The following ZBTB17 variants were observed in gnomAD, a reference collection of about 807,000 sequenced individuals.
ZBTB17 encodes the protein zinc finger and BTB domain containing 17, also known as zinc finger and BTB domain-containing protein 17.
Under a neutral mutation model 85.1 loss-of-function variants are expected in ZBTB17, and 24 were observed. That is an observed-to-expected ratio of 0.28 (90% CI 0.20 to 0.40). ZBTB17 has a LOEUF of 0.40. ZBTB17 is among the 10% of genes least tolerant of loss of function. The pLI is 1.00. For missense variants in ZBTB17, 743 were observed against 1,105.1 expected (o/e 0.67, Z 4.65); for synonymous variants, 464 against 460.2 (o/e 1.01, Z -0.11).
chr1:15,945,651 C>T, intron 6 of ZBTB17, 64 bp downstream of exon 6: 2 of 1,591,654 alleles, frequency 1.3e-6, no homozygotes, highest in Non-Finnish European at 1.7e-6. Flanking sequence ...CCCCAGTGCG[C>T]AGTGGAGGCA....
chr1:15,946,220 T>G lies in ZBTB17; in HGVS notation c.469A>C (p.Thr157Pro). 6.2e-7 allele frequency: 1 copy of G among 1,613,512 alleles called. No individual in the cohort carries two copies. The highest frequency in any genetic ancestry group is 8.5e-7 in the Non-Finnish European group (1 of 1,180,008). The change falls in exon 5 of 16, where the codon ACA (threonine) becomes CCA (proline). Residue 157 changes from threonine (T) to proline (P), a missense_variant. Around this residue, in one of 4 missense-constraint regions of ZBTB17, gnomAD observed 279 missense variants for 269.9 expected, o/e 1.03. Transcript: ENST00000375743. ...LSRLEQAGRS[T>P]PIGPSRDLKE... The stretch of plus-strand genomic sequence containing the variant: ...AGGTCCCTGCTGGGGCCTATGGGTG[T>G]GCTGCGTCCTGCCTGCTCCAGCCTG...
intron 6 of ZBTB17, 150 bp from the exon 7 acceptor site, chr1:15,945,352 C>T: frequency 1.4e-6 from 2 of 1,421,114 alleles, no homozygotes; most frequent in Non-Finnish European, 1.8e-6. Context: ...GTATTTGCTG[C>T]TTGCGGGATG....
intron 12 of ZBTB17, 30 bp from the exon 13 acceptor site, chr1:15,943,224 G>A (rs766891895): frequency 1.8e-5 from 29 of 1,614,062 alleles, no homozygotes; most frequent in Non-Finnish European, 2.5e-5. Flanking sequence ...GACTCGCATG[G>A]AACTGCCCCA....
At position 15,943,071 on chromosome 1, in the gene ZBTB17, A is replaced by G. The variant is rs1418048570; in HGVS notation, c.1821T>C (p.Ile607=). 7 of 1,614,116 alleles carry G rather than the reference A, an allele frequency of 4.3e-6. No homozygotes were observed. The highest frequency in any genetic ancestry group is 5.1e-6 in the Non-Finnish European group (6 of 1,179,996). ...NVGDLSKHII[I]HTGEKPYLCD... ...GTAGGGGCCACAGCTCACCAGTGTG[A>G]ATGATGATGTGCTTGGACAGGTCCC... The change falls in exon 13 of 16, where the codon ATT becomes ATC. Residue 607 remains isoleucine (I), a synonymous_variant. Coordinates refer to ENST00000375743, the MANE Select transcript of ZBTB17 (RefSeq NM_003443.3).
intron 2 of ZBTB17, among the ~76,000 whole-genome samples, chr1:15,959,445 A>T (rs1443517222): frequency 6.6e-6 from 1 of 150,806 alleles, no homozygotes; most frequent in Non-Finnish European, 1.5e-5. Flanking sequence ...TTAAAAAATT[A>T]AAACTGAGAA....
At chr1:15,948,613 G>A (rs1413471956) in intron 2 of ZBTB17, 116 bp from the exon 3 acceptor site, 1 of 1,139,880 alleles carries the variant, frequency 8.8e-7, no homozygotes, top group Non-Finnish European at 1.2e-6. Context: ...TAAAACAAGT[G>A]AGGGCATTTC....
intron 2 of ZBTB17, among the ~76,000 whole-genome samples, chr1:15,960,922 G>A (rs1397382544): frequency 2.0e-5 from 3 of 152,128 alleles, no homozygotes; most frequent in Admixed American, 1.3e-4. Context: ...GCTCCAGCCT[G>A]GGCAACATGG....
In ZBTB17 at chr1:15,950,556, C is replaced by T. The variant is rs144869225; in HGVS notation, c.-2-2059G>A. On this transcript the variant is annotated intron_variant, in intron 2 of 15. Coordinates refer to ENST00000375743, the MANE Select transcript of ZBTB17 (RefSeq NM_003443.3). ...TGCAGAAGAGGGGAATACCAGGGCC[C>T]ACACAGGGCAAAATCCTCAACTGGC... Among the ~76,000 whole-genome samples the T allele has an allele frequency of 4.6e-5, 7 of 152,322 alleles. No individual in the cohort carries two copies. The East Asian group carries it at 1.4e-3, about 29-fold the overall frequency.
intron 2 of ZBTB17, among the ~76,000 whole-genome samples, chr1:15,958,474 G>A (rs867501728): frequency 6.0e-5 from 9 of 150,594 alleles, no homozygotes; most frequent in Admixed American, 3.3e-4. Flanking sequence ...GCCTTCCACC[G>A]TCAGGCCTTT....
chr1:15,942,820 C>A, intron 13 of ZBTB17, 82 bp from the exon 14 acceptor site: 1 of 1,519,802 alleles, frequency 6.6e-7, no homozygotes, highest in South Asian at 1.2e-5. Context: ...CTCGTTTGCC[C>A]AGCAACCCTG....
chr1:15,944,863 G>T (rs2071525533), intron 7 of ZBTB17, 24 bp from the exon 8 acceptor site: 1 of 1,576,888 alleles, frequency 6.3e-7, no homozygotes, highest in South Asian at 1.2e-5. Context: ...GGGGAAGCGG[G>T]GTGTGAGGAG....
rs917372818 is a variant in ZBTB17 at position 15,952,051 on chromosome 1, T to C, written c.-2-3554A>G. 6.6e-6 allele frequency among the ~76,000 whole-genome samples: 1 copy of C among 152,310 alleles called. No individual in the cohort carries two copies. The highest frequency in any genetic ancestry group is 2.1e-4 in the South Asian group (1 of 4,824). ...GTGGTCTTGTCTTCACCTTGCGTGA[T>C]GGGCGATAAATATGTGCACTAGTTA... On this transcript the variant is annotated intron_variant, in intron 2 of 15. Transcript: ENST00000375743. The surrounding 1 kb of genome is among the most constrained non-coding windows in gnomAD (Gnocchi z 4.3).
At position 15,941,957 on chromosome 1, in the gene ZBTB17, A is replaced by G; in HGVS notation, c.*12T>C. On this transcript the variant is annotated 3_prime_UTR_variant, in exon 16 of 16. Coordinates refer to ENST00000375743, the MANE Select transcript of ZBTB17 (RefSeq NM_003443.3). ...ATCCATCCTTAAATAAACAGTCAGA[A>G]GGGCCGCCAGCTCACTCGGCAGGCG... 1 of 1,586,464 alleles carries G rather than the reference A, an allele frequency of 6.3e-7. No individual in the cohort carries two copies. The highest frequency in any genetic ancestry group is 1.1e-5 in the South Asian group (1 of 89,976).
At chr1:15,947,444 G>A (rs957684537) in intron 3 of ZBTB17, among the ~76,000 whole-genome samples, 3 of 151,766 alleles carry the variant, frequency 2.0e-5, no homozygotes, top group Non-Finnish European at 2.9e-5. Flanking sequence ...GCAACTGTCC[G>A]CCCTGCATGG....
At position 15,952,311 on chromosome 1, in the gene ZBTB17, G is replaced by A. The variant is rs1340383853; in HGVS notation, c.-2-3814C>T. Among the ~76,000 whole-genome samples, 1 of 152,188 alleles carries A rather than the reference G, an allele frequency of 6.6e-6. No individual in the cohort carries two copies. Among genetic ancestry groups the A allele is most frequent in the East Asian group, 1.9e-4 (1 of 5,190 alleles). On this transcript the variant is annotated intron_variant, in intron 2 of 15. Transcript: ENST00000375743. This position sits in a 1 kb window ranked among gnomAD's most constrained non-coding sequence, Gnocchi z 4.3. ...GCTGTCCTGATGACCAAAAGCTTAG[G>A]TGGACACAGAGCCCTGGGCTCCCTC... is the stretch of plus-strand genomic sequence containing the variant.
rs756125341 is a variant in ZBTB17 at position 15,951,801 on chromosome 1, G to C, written c.-2-3304C>G. On this transcript the variant is annotated intron_variant, in intron 2 of 15. Transcript: ENST00000375743. The surrounding 1 kb of genome is among the most constrained non-coding windows in gnomAD (Gnocchi z 4.1). ...GGACATAGGAAAAGGGTTTGGGAGC[G>C]AAGGGGTGTGCAGGTCCTAGGAACA... Among the ~76,000 whole-genome samples the C allele has an allele frequency of 2.0e-5, 3 of 152,100 alleles. No homozygotes were observed. Among genetic ancestry groups the C allele is most frequent in the Non-Finnish European group, 4.4e-5 (3 of 68,006 alleles).
chr1:15,968,953 T>C (rs914446201), intron 2 of ZBTB17, among the ~76,000 whole-genome samples: 3 of 152,202 alleles, frequency 2.0e-5, no homozygotes, highest in Non-Finnish European at 4.4e-5. Flanking sequence ...CACAAACCAC[T>C]GCTGGTCCGT....
chr1:15,959,224 G>A (rs2072159805), intron 2 of ZBTB17, among the ~76,000 whole-genome samples: 1 of 152,126 alleles, frequency 6.6e-6, no homozygotes, highest in Non-Finnish European at 1.5e-5. Flanking sequence ...CCCAGTGGAA[G>A]GTGGGCCATG....
At chr1:15,962,195 G>A (rs897010905) in intron 2 of ZBTB17, among the ~76,000 whole-genome samples, 2 of 152,080 alleles carry the variant, frequency 1.3e-5, no homozygotes, top group African/African-American at 4.8e-5. Flanking sequence ...GTGACAGTGC[G>A]AGACCTTATC....
Sources: allele counts gnomAD v4.1 joint callset (sites outside exome capture counted in the v4.1 genomes callset), GRCh38; gene constraint gnomAD v4.1.1; regional missense constraint gnomAD v4.1.1; non-coding constraint Gnocchi (gnomAD v3.1); transcripts MANE v1.5; gene names NCBI Gene and HGNC (gene_info 2026-07-23, HGNC 2026-07-21).